The following SLIT1 variants were observed in gnomAD, a reference collection of about 807,000 sequenced individuals.
SLIT1 encodes slit guidance ligand 1.
In SLIT1, 66 loss-of-function variants were observed where a neutral mutation model predicts 186.1. That is an observed-to-expected ratio of 0.35 (90% CI 0.29 to 0.44). The LOEUF is 0.44. Ranked by LOEUF, SLIT1 falls within the 20% of genes least tolerant of loss-of-function variation. The pLI, the probability that SLIT1 is intolerant of heterozygous loss-of-function variation, is 1.00. For missense variants in SLIT1, 1,638 were observed against 2,037.4 expected, an observed-to-expected ratio of 0.80 and a Z score of 3.77; for synonymous variants, 761 against 833.8, an observed-to-expected ratio of 0.91 and a Z score of 1.50.
chr10:97,031,508 G>A (rs72819888), intron 24 of SLIT1, 98 bp downstream of exon 24: 54,430 of 903,794 alleles, frequency 0.06, 2,353 homozygotes, highest in South Asian at 0.18. Context: ...ATGGCACAGC[G>A]TGGGCCCTAG....
chr10:97,116,146 GGA>G (rs1849508140), intron 4 of SLIT1, among the ~76,000 whole-genome samples: 1 of 152,224 alleles, frequency 6.6e-6, no homozygotes, highest in South Asian at 2.1e-4. Context: ...AATAATATAT[GGA>G]GAGTCCTGGT....
chr10:97,150,785 G>A (rs1477263451), intron 4 of SLIT1, among the ~76,000 whole-genome samples: 1 of 152,174 alleles, frequency 6.6e-6, no homozygotes, highest in East Asian at 1.9e-4. Flanking sequence ...CGGCATGCGT[G>A]GTGGGCGGAC....
At chr10:97,057,046 A>T (rs1848843860) in intron 12 of SLIT1, among the ~76,000 whole-genome samples, 164 bp downstream of exon 12, 1 of 152,188 alleles carries the variant, frequency 6.6e-6, no homozygotes, top group African/African-American at 2.4e-5. Context: ...GCCTCTGCAG[A>T]GCCCTGGAGA....
At chr10:97,185,275 G>T (rs925186638) in intron 1 of SLIT1, among the ~76,000 whole-genome samples, 2 of 152,248 alleles carry the variant, frequency 1.3e-5, no homozygotes, top group East Asian at 3.8e-4. Context: ...CCCCGCCGAG[G>T]GCCCTTTGAA....
intron 30 of SLIT1, among the ~76,000 whole-genome samples, chr10:97,011,539 G>A (rs932787091): frequency 1.3e-5 from 2 of 152,100 alleles, no homozygotes; most frequent in African/African-American, 2.4e-5. Flanking sequence ...ATGTGACTGA[G>A]TTCCACAGGC....
At position 97,001,222 on chromosome 10, in the gene SLIT1, G is replaced by A; in HGVS notation, c.4495C>T (p.Gln1499Ter). ...RGSCPGQGCC[Q>*]GLRLKRRKFT... ...TTCCTCCGCTTCAGCCGAAGGCCCT[G>A]GCAGCAGCCCTGGCCTGGGCACGAG... The change falls in exon 37 of 37, where the codon CAG becomes TAG. Residue 1499 changes from glutamine (Q) to a stop codon, truncating the protein, a stop_gained. Coordinates refer to ENST00000266058, the MANE Select transcript of SLIT1 (RefSeq NM_003061.3). LOFTEE classifies it high-confidence loss of function. The A allele has an allele frequency of 6.2e-7, 1 of 1,613,212 alleles. No individual in the cohort carries two copies. Among genetic ancestry groups the A allele is most frequent in the Non-Finnish European group, 8.5e-7 (1 of 1,179,926 alleles).
At chr10:97,011,899 AAGCCTCTGGAG>A (rs1322254979) in intron 30 of SLIT1, among the ~76,000 whole-genome samples, 1 of 152,088 alleles carries the variant, frequency 6.6e-6, no homozygotes, top group African/African-American at 2.4e-5. Flanking sequence ...CTCCTCCAGG[AAGCCTCTGGAG>A]AGCACTCCAG....
intron 4 of SLIT1, chr10:97,154,109 G>C (rs1159427781): frequency 1.3e-5 from 2 of 152,280 alleles, no homozygotes; most frequent in East Asian, 3.8e-4. Flanking sequence ...CAGGTCAATA[G>C]AATGGGGCAG....
At chr10:97,073,812 T>C (rs1444073219) in intron 4 of SLIT1, among the ~76,000 whole-genome samples, 1 of 152,140 alleles carries the variant, frequency 6.6e-6, no homozygotes, top group Non-Finnish European at 1.5e-5. Context: ...ATCTGCAACA[T>C]GGGGATGGAA....
chr10:97,174,012 G>A (rs1308918242), intron 1 of SLIT1, among the ~76,000 whole-genome samples: 10 of 152,202 alleles, frequency 6.6e-5, no homozygotes, highest in African/African-American at 2.4e-4. Context: ...CTTCTGGCCT[G>A]GAGCAGCCTA....
At chr10:97,166,623 G>GAAAAAAAGAAAGAGAAAAGAAA (rs3979552) in intron 1 of SLIT1, among the ~76,000 whole-genome samples, 1 of 42,678 alleles carries the variant, frequency 2.3e-5, no homozygotes, top group Admixed American at 2.7e-4. Flanking sequence ...AAGAAAGAAA[G>GAAAAAAAGAAAGAGAAAAGAAA]AGAAAAGAAA....
At position 97,132,798 on chromosome 10, in the gene SLIT1, C is replaced by T. The variant is rs557553477; in HGVS notation, c.413+25020G>A. Among the ~76,000 whole-genome samples the T allele has an allele frequency of 1.1e-4, 16 of 152,306 alleles. No individual in the cohort carries two copies. The South Asian group carries it at 3.3e-3, about 32-fold the overall frequency. On this transcript the variant is annotated intron_variant, in intron 4 of 36. Coordinates refer to ENST00000266058, the MANE Select transcript of SLIT1 (RefSeq NM_003061.3). ...GTAGACCTGCCTCAATCTCCAGGGC[C>T]GGTGGGGCCAGCACTCCTGGCTCCT...
At chr10:97,143,929 G>A (rs1241444867) in intron 4 of SLIT1, among the ~76,000 whole-genome samples, 2 of 152,206 alleles carry the variant, frequency 1.3e-5, no homozygotes, top group African/African-American at 4.8e-5. Context: ...TGAGCGCAGT[G>A]GCTCACACCT....
chr10:97,108,558 C>A (rs940070014), intron 4 of SLIT1, among the ~76,000 whole-genome samples: 2 of 152,198 alleles, frequency 1.3e-5, no homozygotes, highest in Non-Finnish European at 2.9e-5. Context: ...CCCAATAGGG[C>A]CCTCACGAAA....
intron 4 of SLIT1, among the ~76,000 whole-genome samples, chr10:97,136,382 AG>A (rs1225823573): frequency 1.3e-5 from 2 of 152,248 alleles, no homozygotes; most frequent in African/African-American, 4.8e-5. Flanking sequence ...TTATATTTCA[AG>A]GCCACTCACT....
chr10:97,122,561 GT>G (rs1407866115), intron 4 of SLIT1, among the ~76,000 whole-genome samples: 1 of 152,182 alleles, frequency 6.6e-6, no homozygotes, highest in African/African-American at 2.4e-5. Flanking sequence ...GTGTATGTGA[GT>G]GTGTGTGAGT....
chr10:97,025,595 C>T (rs1201099519), intron 25 of SLIT1, among the ~76,000 whole-genome samples: 1 of 152,096 alleles, frequency 6.6e-6, no homozygotes, highest in African/African-American at 2.4e-5. Context: ...AGCCAAGGCC[C>T]GACTGAGATG....
At chr10:97,135,839 C>T (rs969656053) in intron 4 of SLIT1, among the ~76,000 whole-genome samples, 1 of 152,166 alleles carries the variant, frequency 6.6e-6, no homozygotes, top group African/African-American at 2.4e-5. Flanking sequence ...TTCTCTTGGG[C>T]ATAGGAGGAG....
intron 13 of SLIT1, among the ~76,000 whole-genome samples, chr10:97,050,607 G>T (rs996046436): frequency 6.6e-6 from 1 of 152,162 alleles, no homozygotes; most frequent in African/African-American, 2.4e-5. Flanking sequence ...TATCCTGGGG[G>T]CAGAGTTTGT....
Sources: gnomAD v4.1 joint callset for allele counts (sites outside exome capture counted in the v4.1 genomes callset) on GRCh38, gnomAD v4.1.1 for gene constraint, MANE v1.5 for transcripts, NCBI Gene and HGNC (gene_info 2026-07-23, HGNC 2026-07-21) for gene names.